PLCG2: variants seen among roughly 807,000 people sequenced by gnomAD.
The protein encoded by PLCG2 is phospholipase C gamma 2, also known as 1-phosphatidylinositol 4,5-bisphosphate phosphodiesterase gamma-2.
Under a neutral mutation model 175.6 loss-of-function variants are expected in PLCG2, and 69 were observed. That is an observed-to-expected ratio of 0.39 (90% CI 0.32 to 0.48). The LOEUF (loss-of-function observed/expected upper bound fraction) is 0.48. Among genes scored for constraint, PLCG2 ranks in the 20% least tolerant of loss-of-function variants. The probability of loss-of-function intolerance (pLI) is 0.91; values close to 1 mark genes in which losing one functional copy is unlikely to be tolerated. For synonymous variants in PLCG2, 827 were observed against 624.0 expected (o/e 1.33, Z -4.85); for missense variants, 1,798 against 1,650.9 (o/e 1.09, Z -1.54).
Position 81,919,476 on chromosome 16 carries a change from T to G in PLCG2, c.2055-8T>G, listed in dbSNP as rs12448130. 6.2e-7 allele frequency: 1 copy of G among 1,610,764 alleles called. No homozygotes were observed. On this transcript the variant is annotated splice_polypyrimidine_tract_variant and splice_region_variant and intron_variant, in intron 19 of 32. Coordinates refer to ENST00000564138, the MANE Select transcript of PLCG2 (RefSeq NM_002661.5). ...TGGCATGTCAACCCTGTGTTCTTCC[T>G]GCTCCAGGGCTAGGGGCAAGGTAAA...
chr16:81,749,170 G>A (rs888338748), intron 1 of PLCG2, among the ~76,000 whole-genome samples: 2 of 152,036 alleles, frequency 1.3e-5, no homozygotes, highest in Admixed American at 1.3e-4. Context: ...CTGGTTGGGT[G>A]GTTTATTTGG....
chr16:81,780,152 G>T (rs1206660513), intron 1 of PLCG2, among the ~76,000 whole-genome samples: 1 of 152,114 alleles, frequency 6.6e-6, no homozygotes, highest in Admixed American at 6.6e-5. Flanking sequence ...ACTATGGGGG[G>T]CGGGGTGGTA....
At chr16:81,889,858 G>C (rs941705413) in intron 10 of PLCG2, among the ~76,000 whole-genome samples, 1 of 152,072 alleles carries the variant, frequency 6.6e-6, no homozygotes, top group African/African-American at 2.4e-5. Flanking sequence ...GTTTCACTAT[G>C]TTGGCCAGGC....
intron 10 of PLCG2, 36 bp downstream of exon 10, chr16:81,889,309 CT>C (rs1245808349): frequency 8.8e-7 from 1 of 1,140,724 alleles, no homozygotes; most frequent in Non-Finnish European, 1.3e-6. Flanking sequence ...TTGGGGGTGA[CT>C]TTTTGATTGA....
At chr16:81,769,082 A>T (rs1597308177) in intron 2 of PLCG2, among the ~76,000 whole-genome samples, 1 of 152,116 alleles carries the variant, frequency 6.6e-6, no homozygotes, top group East Asian at 1.9e-4. Flanking sequence ...GAATTTCTTG[A>T]CTGCATGAAT....
intron 2 of PLCG2, among the ~76,000 whole-genome samples, chr16:81,804,659 T>A (rs902562014): frequency 1.3e-5 from 2 of 152,212 alleles, no homozygotes; most frequent in Non-Finnish European, 2.9e-5. Context: ...AGACTTTTCA[T>A]CATTTCAAGG....
chr16:81,857,032 T>A (rs76917103), intron 3 of PLCG2, among the ~76,000 whole-genome samples: 46,663 of 151,996 alleles, frequency 0.31, 7,775 homozygotes, highest in South Asian at 0.38. Context: ...ATGCAACCAG[T>A]CTATTTTAGA....
chr16:81,833,115 C>T (rs1284895289), intron 2 of PLCG2, among the ~76,000 whole-genome samples: 2 of 152,030 alleles, frequency 1.3e-5, no homozygotes. Flanking sequence ...CTGCTGGCAC[C>T]CACCTCGCAG....
At chr16:81,781,402 A>C (rs990569186) in intron 1 of PLCG2, among the ~76,000 whole-genome samples, 5 of 117,772 alleles carry the variant, frequency 4.2e-5, no homozygotes, top group Non-Finnish European at 8.6e-5. Context: ...ATTGATGAGC[A>C]GTTGTTTTCT....
intron 6 of PLCG2, 55 bp from the exon 7 acceptor site, chr16:81,870,797 G>A: frequency 1.1e-6 from 1 of 909,920 alleles, no homozygotes; most frequent in Non-Finnish European, 1.7e-6. Flanking sequence ...ATAGCATGGA[G>A]CCATTCTTAC....
At chr16:81,767,239 G>A (rs924848002) in intron 2 of PLCG2, among the ~76,000 whole-genome samples, 1 of 149,572 alleles carries the variant, frequency 6.7e-6, no homozygotes, top group East Asian at 2.0e-4. Flanking sequence ...CTGCTTCCTG[G>A]GTTCAAGAGA....
chr16:81,927,254 C>T (rs1910314319), intron 23 of PLCG2, 76 bp downstream of exon 23: 16 of 970,918 alleles, frequency 1.6e-5, no homozygotes, highest in Non-Finnish European at 2.7e-5. Flanking sequence ...TGTGCCATCT[C>T]AGTGGGTGAA....
chr16:81,858,480 G>C, intron 4 of PLCG2, 124 bp downstream of exon 4: 2 of 719,444 alleles, frequency 2.8e-6, no homozygotes, highest in Non-Finnish European at 5.1e-6. Context: ...GGCTCGTTGA[G>C]TGTCTTGTAT....
chr16:81,882,368 A>G (rs1908126852), intron 8 of PLCG2, among the ~76,000 whole-genome samples: 1 of 152,032 alleles, frequency 6.6e-6, no homozygotes, highest in Non-Finnish European at 1.5e-5. Flanking sequence ...TTCACACTGC[A>G]GTTAATTTTG....
At chr16:81,942,325 T>TA (rs1910975985) in intron 30 of PLCG2, among the ~76,000 whole-genome samples, 1 of 152,208 alleles carries the variant, frequency 6.6e-6, no homozygotes, top group African/African-American at 2.4e-5. Flanking sequence ...CTTGGAGATT[T>TA]GGAAAAAACA....
chr16:81,905,720 G>A (rs1909340060), intron 15 of PLCG2, among the ~76,000 whole-genome samples: 1 of 152,172 alleles, frequency 6.6e-6, no homozygotes, highest in African/African-American at 2.4e-5. Context: ...GTGTAGTGGT[G>A]TGATTGCGGC....
chr16:81,859,234 G>T (rs557840317), intron 5 of PLCG2, 71 bp downstream of exon 5: 140 of 1,004,722 alleles, frequency 1.4e-4, no homozygotes, highest in Middle Eastern at 4.1e-4. Context: ...ACCTTCCAAG[G>T]GGGTGGGAGC....
At chr16:81,816,017 G>T (rs895696694) in intron 2 of PLCG2, among the ~76,000 whole-genome samples, 8 of 149,752 alleles carry the variant, frequency 5.3e-5, no homozygotes, top group African/African-American at 2.0e-4. Flanking sequence ...AGCCGAGATT[G>T]TGCCACTGCA....
chr16:81,859,597 T>TGC (rs1567502654), intron 5 of PLCG2, among the ~76,000 whole-genome samples: 32 of 151,612 alleles, frequency 2.1e-4, no homozygotes, highest in African/African-American at 7.7e-4. Flanking sequence ...TGCAGTGGCA[T>TGC]GATCTCAGCT....
Sources: gnomAD v4.1 joint callset for allele counts (sites outside exome capture counted in the v4.1 genomes callset) on GRCh38, gnomAD v4.1.1 for gene constraint, MANE v1.5 for transcripts, NCBI Gene and HGNC (gene_info 2026-07-23, HGNC 2026-07-21) for gene names.